RCAN3: variants seen among roughly 807,000 people sequenced by gnomAD.
RCAN3 encodes the protein calcipressin-3.
Under a neutral mutation model 21.9 loss-of-function variants are expected in RCAN3, and 19 were observed. The observed-to-expected ratio is 0.87, with a 90% confidence interval of 0.61 to 1.27. RCAN3 has a LOEUF of 1.27. Among genes scored for constraint, RCAN3 ranks in the 50% most tolerant of loss-of-function variants. The pLI, the probability that RCAN3 is intolerant of heterozygous loss-of-function variation, is 0.00. For missense variants in RCAN3, 240 were observed against 300.1 expected (o/e 0.80, Z 1.48); for synonymous variants, 114 against 112.3 (o/e 1.01, Z -0.09).
chr1:24,509,247 A>T (rs1263753235), intron 1 of RCAN3, among the ~76,000 whole-genome samples: 1 of 152,214 alleles, frequency 6.6e-6, no homozygotes, highest in Non-Finnish European at 1.5e-5. Flanking sequence ...CTGACTGATC[A>T]GGGTGGTGAT....
chr1:24,504,658 G>A (rs1372892543), intron 1 of RCAN3, among the ~76,000 whole-genome samples: 1 of 152,152 alleles, frequency 6.6e-6, no homozygotes, highest in African/African-American at 2.4e-5. Flanking sequence ...AGTGTGACGC[G>A]GAAATCCATT....
chr1:24,535,127 G>A lies in RCAN3; in HGVS notation c.576G>A (p.Ser192=), dbSNP rs868764949. The change falls in exon 5 of 5, where the codon TCG becomes TCA. Residue 192 remains serine (S), a synonymous_variant. Transcript: ENST00000374395. ...EKYELHAGTE[S]TPSVVVHVCE... ...ATGAACTTCACGCGGGAACAGAGTC[G>A]ACACCCAGCGTGGTGGTTCATGTCT... The A allele has an allele frequency of 1.9e-6, 3 of 1,596,220 alleles. No individual in the cohort carries two copies. Among genetic ancestry groups the A allele is most frequent in the Non-Finnish European group, 2.6e-6 (3 of 1,174,008 alleles).
At chr1:24,521,491 G>A (rs1453593822) in intron 2 of RCAN3, among the ~76,000 whole-genome samples, 1 of 152,100 alleles carries the variant, frequency 6.6e-6, no homozygotes, top group Non-Finnish European at 1.5e-5. Flanking sequence ...CAGAGAGAAG[G>A]CTCCTCTATG....
chr1:24,505,270 CCTT>C (rs1647356616), intron 1 of RCAN3, among the ~76,000 whole-genome samples: 1 of 90,064 alleles, frequency 1.1e-5, no homozygotes, highest in Non-Finnish European at 2.1e-5. Flanking sequence ...TTTGAGATCT[CCTT>C]CTGTTGCCCA....
At chr1:24,520,673 G>T (rs1297475580) in intron 2 of RCAN3, among the ~76,000 whole-genome samples, 2 of 143,692 alleles carry the variant, frequency 1.4e-5, no homozygotes, top group African/African-American at 5.2e-5. Flanking sequence ...CACACTCCGG[G>T]GACTGTTGTG....
In RCAN3 at chr1:24,540,776, GC is replaced by G. The variant is rs1221362565; in HGVS notation, c.*5500del. On this transcript the variant is annotated 3_prime_UTR_variant, in exon 5 of 5. Coordinates refer to ENST00000374395, the MANE Select transcript of RCAN3 (RefSeq NM_013441.4). ...ACCTTTATGGTATATAAGCTGTAGT[GC>G]ATACTCTTTGTATTGCAAAAAACTG... 2.9e-4 allele frequency: 44 copies of G among 152,234 alleles called. No individual in the cohort carries two copies. The highest frequency in any genetic ancestry group is 1.0e-3 in the African/African-American group (42 of 41,540). 9.4% of individuals were successfully genotyped at this position (152,234 alleles called of 1,614,324 possible).
At chr1:24,527,392 C>G (rs962015795) in intron 2 of RCAN3, among the ~76,000 whole-genome samples, 35 of 152,132 alleles carry the variant, frequency 2.3e-4, no homozygotes, top group African/African-American at 8.5e-4. Context: ...AGCTTGCAGT[C>G]CACTGAAAAG....
chr1:24,530,729 G>C (rs969170983), intron 2 of RCAN3, among the ~76,000 whole-genome samples: 1 of 152,082 alleles, frequency 6.6e-6, no homozygotes, highest in Non-Finnish European at 1.5e-5. Context: ...ATAAGTGCAC[G>C]ACCCAGCTTG....
intron 1 of RCAN3, among the ~76,000 whole-genome samples, chr1:24,510,760 CTGAT>C (rs1281655341): frequency 9.9e-5 from 15 of 152,198 alleles, no homozygotes; most frequent in Non-Finnish European, 1.6e-4. Flanking sequence ...CACAACTTGA[CTGAT>C]TGGTGCAAGA....
At chr1:24,517,074 C>A (rs1648381249) in intron 2 of RCAN3, among the ~76,000 whole-genome samples, 1 of 139,190 alleles carries the variant, frequency 7.2e-6, no homozygotes, top group African/African-American at 2.8e-5. Context: ...ACAATCTTTT[C>A]TATTTTTTTG....
At chr1:24,527,815 G>C (rs1226765443) in intron 2 of RCAN3, among the ~76,000 whole-genome samples, 3 of 152,096 alleles carry the variant, frequency 2.0e-5, no homozygotes, top group Non-Finnish European at 2.9e-5. Context: ...GCCTAAATAT[G>C]TTTTCTGTAA....
chr1:24,516,204 C>A (rs1648306987), intron 2 of RCAN3, among the ~76,000 whole-genome samples: 2 of 152,126 alleles, frequency 1.3e-5, no homozygotes, highest in Admixed American at 6.5e-5. Flanking sequence ...GTGGCTCTCG[C>A]CTGTAATCCC....
At chr1:24,522,253 C>T (rs887961734) in intron 2 of RCAN3, among the ~76,000 whole-genome samples, 1 of 152,120 alleles carries the variant, frequency 6.6e-6, no homozygotes, top group Non-Finnish European at 1.5e-5. Context: ...CCTCTTTTCA[C>T]CTAGTCATTG....
At chr1:24,513,250 G>GA (rs1648038596) in intron 1 of RCAN3, among the ~76,000 whole-genome samples, 1 of 151,878 alleles carries the variant, frequency 6.6e-6, no homozygotes, top group Non-Finnish European at 1.5e-5. Flanking sequence ...AAAAAGTTCA[G>GA]AAAAAGGACA....
rs1320567522 is a variant in RCAN3 at position 24,539,229 on chromosome 1, G to A, written c.*3952G>A. The A allele has an allele frequency of 6.7e-6, 1 of 149,752 alleles. No homozygotes were observed. Among genetic ancestry groups the A allele is most frequent in the Non-Finnish European group, 1.5e-5 (1 of 67,700 alleles). The allele number at this position is 149,752 out of a possible 1,614,324, so 9.3% of individuals were successfully genotyped here. ...AAGAGGCAATGAATACTAATTCCTG[G>A]CATCAGAAAAAAAAAAAGGCATGAG... On this transcript the variant is annotated 3_prime_UTR_variant, in exon 5 of 5. Coordinates refer to ENST00000374395, the MANE Select transcript of RCAN3 (RefSeq NM_013441.4).
At chr1:24,512,494 C>T (rs562683128) in intron 1 of RCAN3, among the ~76,000 whole-genome samples, 5 of 152,238 alleles carry the variant, frequency 3.3e-5, no homozygotes, top group African/African-American at 1.2e-4. Flanking sequence ...CACTCCCCAA[C>T]ACCAAGCAGT....
In RCAN3 at chr1:24,525,780, T is replaced by C. The variant is rs1382666477; in HGVS notation, c.196-5438T>C. ...GTCCTTCCCCTGCCGTCTGCAATCT[T>C]CTAAATCCCTTTCGTGCTAATGCCG... On this transcript the variant is annotated intron_variant, in intron 2 of 4. Transcript: ENST00000374395. The surrounding 1 kb of genome is among the most constrained non-coding windows in gnomAD (Gnocchi z 4.1). Among the ~76,000 whole-genome samples, 2 of 152,198 alleles carry C rather than the reference T, an allele frequency of 1.3e-5. No individual in the cohort carries two copies. Among genetic ancestry groups the C allele is most frequent in the Non-Finnish European group, 2.9e-5 (2 of 68,050 alleles).
At chr1:24,530,356 CAAAAAAAAAAAAA>C (rs56914359) in intron 2 of RCAN3, among the ~76,000 whole-genome samples, 3 of 81,518 alleles carry the variant, frequency 3.7e-5, no homozygotes, top group African/African-American at 9.9e-5. Context: ...CTCTTATCTC[CAAAAAAAAAAAAA>C]AAAAAAAAAA....
At chr1:24,505,636 T>TTTTATCTTG (rs2148889739) in intron 1 of RCAN3, among the ~76,000 whole-genome samples, 1 of 152,312 alleles carries the variant, frequency 6.6e-6, no homozygotes, top group African/African-American at 2.4e-5. Context: ...ACTTTATGTA[T>TTTTATCTTG]TTTATCTTGT....
Sources: gnomAD v4.1 joint callset for allele counts (sites outside exome capture counted in the v4.1 genomes callset) on GRCh38, gnomAD v4.1.1 for gene constraint, Gnocchi (gnomAD v3.1) non-coding constraint, MANE v1.5 for transcripts, NCBI Gene and HGNC (gene_info 2026-07-23, HGNC 2026-07-21) for gene names.